Variants in CDC42BPB observed in about 807,000 individuals in gnomAD.
CDC42BPB encodes serine/threonine-protein kinase MRCK beta.
A neutral mutation model predicts 214.9 loss-of-function variants in CDC42BPB; 37 were observed. The observed-to-expected ratio is 0.17, with a 90% CI of 0.13 to 0.23. The LOEUF (loss-of-function observed/expected upper bound fraction) is 0.23. Among genes scored for constraint, CDC42BPB ranks in the 10% least tolerant of loss-of-function variants. The pLI is 1.00. For missense variants in CDC42BPB, 1,694 were observed against 2,227.0 expected (o/e 0.76, Z 4.82); for synonymous variants, 931 against 884.0 (o/e 1.05, Z -0.94).
At chr14:103,031,141 T>G (rs1887349746) in intron 1 of CDC42BPB, among the ~76,000 whole-genome samples, 1 of 151,676 alleles carries the variant, frequency 6.6e-6, no homozygotes, top group Non-Finnish European at 1.5e-5. Context: ...AACGCCGGCA[T>G]GAAGGAAATG....
At position 102,944,674 on chromosome 14, in the gene CDC42BPB, C is replaced by G; in HGVS notation, c.3812-187G>C. The G allele has an allele frequency of 1.0e-5, 10 of 985,378 alleles. No individual in the cohort carries two copies. The highest frequency in any genetic ancestry group is 1.2e-5 in the Non-Finnish European group (10 of 829,892). The allele number at this position is 985,378 out of a possible 1,614,324, so 61.0% of individuals were successfully genotyped here. A position where few individuals can be genotyped will look rare whatever the true frequency, so the allele number is the denominator to read the frequency against. Reference sequence around the variant, plus strand: ...ACAGAGCCAGTGGCTTGAACGCCCCCCGGAGAAGCTGCCCCACATCCACAG... The same window carrying G: ...ACAGAGCCAGTGGCTTGAACGCCCCGCGGAGAAGCTGCCCCACATCCACAG... On this transcript the variant is annotated intron_variant, in intron 29 of 36. Transcript: ENST00000361246. This position sits in a 1 kb window ranked among gnomAD's most constrained non-coding sequence, Gnocchi z 6.6.
chr14:103,048,968 T>C (rs2139776682), intron 1 of CDC42BPB, among the ~76,000 whole-genome samples: 1 of 152,250 alleles, frequency 6.6e-6, no homozygotes, highest in South Asian at 2.1e-4. Flanking sequence ...CTTAGTAAAC[T>C]GTATCTTACA....
At position 102,976,004 on chromosome 14, in the gene CDC42BPB, G is replaced by T. The variant is rs1416537335; in HGVS notation, c.1266C>A (p.Asn422Lys). The change falls in exon 10 of 37, where the codon AAC becomes AAA. Residue 422 changes from asparagine to lysine, a missense_variant. This residue lies in a region of CDC42BPB where 462 missense variants were observed against 513.5 expected (regional missense o/e 0.90). Transcript: ENST00000361246. ...GCACATCCTCATCTTTGGTTAATGT[G>T]TTGGACTGCATTATGCTCTTCAGAG... ...RGSLKSIMQS[N>K]TLTKDEDVQR... 1.9e-6 allele frequency: 3 copies of T among 1,614,236 alleles called. No homozygotes were observed. The highest frequency in any genetic ancestry group is 2.5e-6 in the Non-Finnish European group (3 of 1,180,052).
rs1435284832 is a variant in CDC42BPB, at chr14:103,001,271, C to A, written c.448-1558G>T. On this transcript the variant is annotated intron_variant, in intron 4 of 36. Transcript: ENST00000361246. This position sits in a 1 kb window ranked among gnomAD's most constrained non-coding sequence, Gnocchi z 5.8. ...CACCCTCACTGTGGCCCCGCCAGCC[C>A]CTCTGGCAACAGGGGTGCTGGCATG... Among the ~76,000 whole-genome samples, 1 of 152,210 alleles carries A rather than the reference C, an allele frequency of 6.6e-6. No individual in the cohort carries two copies. Among genetic ancestry groups the A allele is most frequent in the South Asian group, 2.1e-4 (1 of 4,830 alleles).
At chr14:103,055,287 C>T (rs1413101609) in intron 1 of CDC42BPB, among the ~76,000 whole-genome samples, 2 of 152,152 alleles carry the variant, frequency 1.3e-5, no homozygotes, top group Non-Finnish European at 2.9e-5. Flanking sequence ...GCCGGGCATG[C>T]TGGTGCGTGC....
intron 1 of CDC42BPB, among the ~76,000 whole-genome samples, chr14:103,020,631 G>A (rs1886718246): frequency 6.6e-6 from 1 of 150,876 alleles, no homozygotes; most frequent in African/African-American, 2.5e-5. Flanking sequence ...GGACCAAGGA[G>A]TGCAGCCACA....
Position 103,048,402 on chromosome 14 carries a change from G to GGCAT in CDC42BPB, c.175+8593_175+8596dup, listed in dbSNP as rs1480719877. On this transcript the variant is annotated intron_variant, in intron 1 of 36. Coordinates refer to ENST00000361246, the MANE Select transcript of CDC42BPB (RefSeq NM_006035.4). ...GTACTAAAAACACAAAAATTAGCCA[G>GGCAT]GCATGGCTGGGCGCGGTAGCTCACG... 2.0e-5 allele frequency among the ~76,000 whole-genome samples: 3 copies of GGCAT among 151,880 alleles called. No homozygotes were observed. The East Asian group carries it at 5.8e-4, about 29-fold the overall frequency.
intron 1 of CDC42BPB, among the ~76,000 whole-genome samples, chr14:103,048,910 AG>A (rs1430309694): frequency 6.6e-6 from 1 of 152,268 alleles, no homozygotes; most frequent in African/African-American, 2.4e-5. Flanking sequence ...GATTATTATA[AG>A]AAAAGAAAAT....
chr14:103,021,361 G>A lies in CDC42BPB; in HGVS notation c.176-9173C>T, dbSNP rs535053619. On this transcript the variant is annotated intron_variant, in intron 1 of 36. Transcript: ENST00000361246. ...GGCACCTGTAGTCCCAGCTACTTGG[G>A]AGGCTGAGGCAGGAGAATGGCGTGA... 1.6e-4 allele frequency among the ~76,000 whole-genome samples: 24 copies of A among 152,264 alleles called. No homozygotes were observed. The South Asian group carries it at 4.6e-3, about 29-fold the overall frequency.
rs193271475 is a variant in CDC42BPB, at chr14:102,960,430, A to C, written c.2822-720T>G. 1.7e-3 allele frequency among the ~76,000 whole-genome samples: 266 copies of C among 152,084 alleles called. 1 individual carries two copies. Among genetic ancestry groups the C allele is most frequent in the South Asian group, 0.013 (62 of 4,798 alleles). ...CCATGAGTTTGAGACCAGCCTGGGC[A>C]ACACAGAGAGACCCCATCTCCATAA... On this transcript the variant is annotated intron_variant, in intron 20 of 36. Coordinates refer to ENST00000361246, the MANE Select transcript of CDC42BPB (RefSeq NM_006035.4).
intron 1 of CDC42BPB, among the ~76,000 whole-genome samples, chr14:103,034,987 C>T (rs183516728): frequency 1.3e-5 from 2 of 152,040 alleles, no homozygotes; most frequent in East Asian, 3.9e-4. Context: ...ACTATAAAAT[C>T]TGATCAACTG....
chr14:103,033,054 AC>A lies in CDC42BPB; in HGVS notation c.176-20867del, dbSNP rs930292737. Among the ~76,000 whole-genome samples, 92 of 152,232 alleles carry A rather than the reference AC, an allele frequency of 6.0e-4. 1 individual carries two copies. The Middle Eastern group carries it at 0.014, about 23-fold the overall frequency. Reference sequence around the variant, plus strand: ...TAAAGAAAACCCTCATCTTCTTGAGACACACACTGAAATATTTACAAATGAG... The same window carrying A: ...TAAAGAAAACCCTCATCTTCTTGAGAACACACTGAAATATTTACAAATGAG... On this transcript the variant is annotated intron_variant, in intron 1 of 36. Transcript: ENST00000361246.
chr14:102,965,253 G>C (rs887914505), intron 18 of CDC42BPB, among the ~76,000 whole-genome samples: 1 of 152,004 alleles, frequency 6.6e-6, no homozygotes, highest in African/African-American at 2.4e-5. Flanking sequence ...ATTTCTATAT[G>C]GGTCCACTGG....
intron 30 of CDC42BPB, among the ~76,000 whole-genome samples, chr14:102,942,792 C>T (rs547042134): frequency 2.6e-4 from 37 of 143,178 alleles, no homozygotes; most frequent in Admixed American, 2.8e-4. Context: ...ACAACCTCTG[C>T]GTCCCGGGTT....
intron 11 of CDC42BPB, 127 bp downstream of exon 11, chr14:102,975,556 TA>T: frequency 2.9e-6 from 3 of 1,025,518 alleles, no homozygotes; most frequent in Non-Finnish European, 4.3e-6. Context: ...TTGAGAACTC[TA>T]AATAAGCTTG....
At chr14:102,980,651 C>T (rs1401907422) in intron 8 of CDC42BPB, 122 bp downstream of exon 8, 4 of 881,020 alleles carry the variant, frequency 4.5e-6, no homozygotes, top group Non-Finnish European at 3.6e-6. Context: ...AAAAAGCACA[C>T]TGTCTTAAGT....
At chr14:102,983,040 G>A (rs1260253225) in intron 7 of CDC42BPB, among the ~76,000 whole-genome samples, 2 of 152,144 alleles carry the variant, frequency 1.3e-5, no homozygotes, top group Non-Finnish European at 2.9e-5. Context: ...GAGGAAACAG[G>A]ATGGGGAGGA....
At chr14:103,041,982 G>A in intron 1 of CDC42BPB, 1 of 330,532 alleles carries the variant, frequency 3.0e-6, no homozygotes, top group South Asian at 2.9e-5. Flanking sequence ...CCGAGGAGAA[G>A]AATTTCAAAG....
In CDC42BPB at chr14:102,974,026, T is replaced by TC. The variant is rs1595482918; in HGVS notation, c.1630dup (p.Glu544GlyfsTer8). 1 of 1,609,086 alleles carries TC rather than the reference T, an allele frequency of 6.2e-7. No homozygotes were observed. Among genetic ancestry groups the TC allele is most frequent in the Non-Finnish European group, 8.5e-7 (1 of 1,178,120 alleles). On this transcript the variant is annotated frameshift_variant, in exon 12 of 37. Coordinates refer to ENST00000361246, the MANE Select transcript of CDC42BPB (RefSeq NM_006035.4). LOFTEE classifies it high-confidence loss of function. ...AACTGAGCCACCTACCTTGTGCAGC[T>TC]CCTCCTTCTCCTGCCGGACCACGCG... is the stretch of plus-strand genomic sequence containing the variant.
Sources: gnomAD v4.1 joint callset for allele counts (sites outside exome capture counted in the v4.1 genomes callset) on GRCh38, gnomAD v4.1.1 for gene constraint, gnomAD v4.1.1 regional missense constraint, Gnocchi (gnomAD v3.1) non-coding constraint, MANE v1.5 for transcripts, NCBI Gene and HGNC (gene_info 2026-07-23, HGNC 2026-07-21) for gene names.